The following SLC9A9 variants were observed in gnomAD, a reference collection of about 807,000 sequenced individuals.
The protein encoded by SLC9A9 is solute carrier family 9 member A9.
Under a neutral mutation model 77.8 loss-of-function variants are expected in SLC9A9, and 62 were observed. The observed-to-expected ratio is 0.80, with a 90% CI of 0.65 to 0.98. SLC9A9 has a LOEUF of 0.98. Among genes scored for constraint, SLC9A9 ranks in the 50% least tolerant of loss-of-function variants. The pLI, the probability that SLC9A9 is intolerant of heterozygous loss-of-function variation, is 0.00. For missense variants in SLC9A9, 775 were observed against 774.9 expected (o/e 1.00, Z 0.00); for synonymous variants, 320 against 283.5 (o/e 1.13, Z -1.29).
chr3:143,817,986 A>G (rs1002719001), intron 2 of SLC9A9, among the ~76,000 whole-genome samples: 1 of 152,234 alleles, frequency 6.6e-6, no homozygotes, highest in Non-Finnish European at 1.5e-5. Flanking sequence ...ATAAGTAAGT[A>G]AAGCAAGTTA....
intron 9 of SLC9A9, among the ~76,000 whole-genome samples, chr3:143,510,124 G>GA (rs1559946113): frequency 1.3e-5 from 2 of 152,222 alleles, no homozygotes; most frequent in Non-Finnish European, 2.9e-5. Flanking sequence ...TATGCAGAAA[G>GA]ACTTGATAAA....
chr3:143,796,613 A>G (rs1350784006), intron 3 of SLC9A9, among the ~76,000 whole-genome samples: 1 of 152,208 alleles, frequency 6.6e-6, no homozygotes, highest in Non-Finnish European at 1.5e-5. Context: ...TCAAGAGCTC[A>G]ATAGTTACAT....
chr3:143,523,657 A>T (rs2036356193), intron 9 of SLC9A9, among the ~76,000 whole-genome samples: 1 of 152,294 alleles, frequency 6.6e-6, no homozygotes, highest in African/African-American at 2.4e-5. Context: ...CAAACTTGTT[A>T]TATACTTCCC....
At chr3:143,737,793 A>G (rs1934979601) in intron 4 of SLC9A9, among the ~76,000 whole-genome samples, 1 of 152,146 alleles carries the variant, frequency 6.6e-6, no homozygotes, top group African/African-American at 2.4e-5. Flanking sequence ...GTATGAGAAA[A>G]CTATGAAGTA....
At chr3:143,316,379 G>T (rs374394410) in intron 14 of SLC9A9, among the ~76,000 whole-genome samples, 1 of 152,160 alleles carries the variant, frequency 6.6e-6, no homozygotes, top group East Asian at 1.9e-4. Context: ...TAAACAGGCA[G>T]CTTCGATTTC....
rs563478238 is a variant in SLC9A9 at position 143,374,740 on chromosome 3, G to A, written c.1524+7320C>T. Among the ~76,000 whole-genome samples, 5 of 151,906 alleles carry A rather than the reference G, an allele frequency of 3.3e-5. No homozygotes were observed. In the South Asian group the frequency reaches 8.3e-4, roughly 25 times the overall value. On this transcript the variant is annotated intron_variant, in intron 13 of 15. Coordinates refer to ENST00000316549, the MANE Select transcript of SLC9A9 (RefSeq NM_173653.4). ...GAAATAAGCACATTATGGAAAATGGGGTATCCATCCTCTTACATTTATCCT... is the reference window on the plus strand; with the variant it reads ...GAAATAAGCACATTATGGAAAATGGAGTATCCATCCTCTTACATTTATCCT...
At chr3:143,737,920 T>C (rs1178081137) in intron 4 of SLC9A9, among the ~76,000 whole-genome samples, 1 of 152,232 alleles carries the variant, frequency 6.6e-6, no homozygotes, top group Non-Finnish European at 1.5e-5. Context: ...ACATGCTCTG[T>C]TAATATTTTA....
At chr3:143,321,274 A>G (rs1052968644) in intron 14 of SLC9A9, among the ~76,000 whole-genome samples, 1 of 152,232 alleles carries the variant, frequency 6.6e-6, no homozygotes, top group African/African-American at 2.4e-5. Flanking sequence ...AGCTCCGTTT[A>G]CTATGACCTC....
chr3:143,330,226 T>C (rs922142917), intron 14 of SLC9A9, among the ~76,000 whole-genome samples: 1 of 152,166 alleles, frequency 6.6e-6, no homozygotes, highest in Non-Finnish European at 1.5e-5. Flanking sequence ...TAAATCTTTA[T>C]ATATTGGAAG....
At chr3:143,495,217 G>A in intron 10 of SLC9A9, 118 bp downstream of exon 10, 1 of 831,202 alleles carries the variant, frequency 1.2e-6, no homozygotes, top group Non-Finnish European at 2.0e-6. Flanking sequence ...TCTGCCTTGT[G>A]TCTGAGCCTT....
intron 14 of SLC9A9, among the ~76,000 whole-genome samples, chr3:143,305,842 T>G (rs1416066169): frequency 6.6e-6 from 1 of 152,232 alleles, no homozygotes; most frequent in Non-Finnish European, 1.5e-5. Context: ...GTTACAGAAC[T>G]GTCTCCTCAG....
At chr3:143,703,797 G>A (rs984028948) in intron 4 of SLC9A9, among the ~76,000 whole-genome samples, 10 of 151,960 alleles carry the variant, frequency 6.6e-5, no homozygotes, top group Admixed American at 6.6e-4. Flanking sequence ...TTTTGTCCAA[G>A]AATGGGCAAA....
At chr3:143,417,290 A>C (rs966051163) in intron 12 of SLC9A9, among the ~76,000 whole-genome samples, 2 of 152,134 alleles carry the variant, frequency 1.3e-5, no homozygotes, top group Admixed American at 1.3e-4. Context: ...AAATGCCCCT[A>C]CTATGGACTG....
At chr3:143,616,179 G>A (rs2038104018) in intron 6 of SLC9A9, among the ~76,000 whole-genome samples, 1 of 143,604 alleles carries the variant, frequency 7.0e-6, no homozygotes, top group Non-Finnish European at 1.5e-5. Context: ...CACTGCCCTG[G>A]GCCTAAATTT....
Position 143,682,464 on chromosome 3 carries a change from G to T in SLC9A9, c.649+10728C>A, listed in dbSNP as rs61225977. On this transcript the variant is annotated intron_variant, in intron 5 of 15. Coordinates refer to ENST00000316549, the MANE Select transcript of SLC9A9 (RefSeq NM_173653.4). Reference sequence around the variant, plus strand: ...TTGTGCATACATTGTCTGGATCAATGAAAGCAGCTATAAAAATTTGTATAA... The same window carrying T: ...TTGTGCATACATTGTCTGGATCAATTAAAGCAGCTATAAAAATTTGTATAA... 3.4e-3 allele frequency among the ~76,000 whole-genome samples: 510 copies of T among 152,114 alleles called. 4 individuals carry two copies. Among genetic ancestry groups the T allele is most frequent in the African/African-American group, 0.012 (492 of 41,504 alleles).
At chr3:143,630,309 A>C (rs565025380) in intron 6 of SLC9A9, among the ~76,000 whole-genome samples, 4 of 152,304 alleles carry the variant, frequency 2.6e-5, no homozygotes, top group African/African-American at 9.6e-5. Flanking sequence ...AGCAGAAAAT[A>C]ACCACTTGTC....
At chr3:143,798,586 T>G (rs898560434) in intron 2 of SLC9A9, among the ~76,000 whole-genome samples, 1 of 152,296 alleles carries the variant, frequency 6.6e-6, no homozygotes, top group East Asian at 1.9e-4. Context: ...AACTCTCACC[T>G]GACCTAAAAT....
intron 14 of SLC9A9, among the ~76,000 whole-genome samples, chr3:143,299,569 CAGT>C (rs1553740402): frequency 2.0e-5 from 3 of 152,046 alleles, no homozygotes; most frequent in Non-Finnish European, 4.4e-5. Flanking sequence ...TCAGCCTCCC[CAGT>C]AGCTGGGACT....
intron 4 of SLC9A9, among the ~76,000 whole-genome samples, chr3:143,709,698 A>T (rs115516603): frequency 0.018 from 2,769 of 152,252 alleles, 90 homozygotes; most frequent in African/African-American, 0.061. Context: ...AGAGACAATG[A>T]TTATTGAATA....
Sources: gnomAD v4.1 joint callset for allele counts (sites outside exome capture counted in the v4.1 genomes callset) on GRCh38, gnomAD v4.1.1 for gene constraint, MANE v1.5 for transcripts, NCBI Gene and HGNC (gene_info 2026-07-23, HGNC 2026-07-21) for gene names.